Variants in MARCHF7 observed in about 807,000 individuals in gnomAD.
The protein encoded by MARCHF7 is membrane associated ring-CH-type finger 7.
A neutral mutation model predicts 76.5 loss-of-function variants in MARCHF7; 20 were observed. The observed-to-expected ratio is 0.26, with a 90% CI of 0.18 to 0.38. The LOEUF (loss-of-function observed/expected upper bound fraction) is 0.38. Ranked by LOEUF, MARCHF7 falls within the 10% of genes least tolerant of loss-of-function variation. The probability of loss-of-function intolerance (pLI) is 1.00; values close to 1 mark genes in which losing one functional copy is unlikely to be tolerated. For synonymous variants in MARCHF7, 295 were observed against 293.0 expected, an observed-to-expected ratio of 1.01 and a Z score of -0.07; for missense variants, 797 against 812.9, an observed-to-expected ratio of 0.98 and a Z score of 0.24.
In MARCHF7 at chr2:159,764,611, C is replaced by A; in HGVS notation, c.2008-15C>A. 6.3e-7 allele frequency: 1 copy of A among 1,581,714 alleles called. No individual in the cohort carries two copies. ...AACATTTAAACTACTGTATTTCTTT[C>A]TGCATTGTTTCTAGTTTATTAACCT... On this transcript the variant is annotated splice_polypyrimidine_tract_variant and intron_variant, in intron 10 of 11. Transcript: ENST00000409175.
intron 7 of MARCHF7, among the ~76,000 whole-genome samples, chr2:159,751,474 A>G (rs576829313): frequency 7.9e-5 from 12 of 152,326 alleles, no homozygotes; most frequent in African/African-American, 2.2e-4. Flanking sequence ...CATGTTTTCA[A>G]TCTTTAAAAA....
intron 10 of MARCHF7, among the ~76,000 whole-genome samples, chr2:159,764,126 A>G (rs1172551464): frequency 6.6e-6 from 1 of 152,086 alleles, no homozygotes; most frequent in Non-Finnish European, 1.5e-5. Flanking sequence ...GATACTCCAA[A>G]GTGGAAGTCA....
intron 4 of MARCHF7, among the ~76,000 whole-genome samples, chr2:159,737,756 C>T (rs369723031): frequency 6.6e-6 from 1 of 152,156 alleles, no homozygotes. Flanking sequence ...TCACTGCATT[C>T]TAGCCTGGGC....
At chr2:159,749,969 T>C (rs1414069023) in intron 7 of MARCHF7, among the ~76,000 whole-genome samples, 2 of 152,220 alleles carry the variant, frequency 1.3e-5, no homozygotes, top group Non-Finnish European at 2.9e-5. Context: ...GCAAATCTTT[T>C]TTTGGAATTT....
At chr2:159,736,806 A>T (rs2059700) in intron 4 of MARCHF7, among the ~76,000 whole-genome samples, 152,216 of 152,372 alleles carry the variant, frequency 1, 76,036 homozygotes, top group Middle Eastern at 1. Flanking sequence ...GTTATTTTCT[A>T]TTCATTGTGC....
At position 159,745,807 on chromosome 2, in the gene MARCHF7, A is replaced by T; in HGVS notation, c.384A>T (p.Ser128=). ...GGCATAGTCAAGTTCCTAGATCTTCATCAATGGTACTTGGATCATTTGGAA... is the reference window on the plus strand; with the variant it reads ...GGCATAGTCAAGTTCCTAGATCTTCTTCAATGGTACTTGGATCATTTGGAA... The part of the protein sequence containing the change: ...SWRHSQVPRS[S]SMVLGSFGTD... Residue 128 remains serine, a synonymous_variant, in exon 6 of 12, where the codon TCA becomes TCT. Coordinates refer to ENST00000409175, the MANE Select transcript of MARCHF7 (RefSeq NM_001282805.2). 1 of 1,610,782 alleles carries T rather than the reference A, an allele frequency of 6.2e-7. No homozygotes were observed. Among genetic ancestry groups the T allele is most frequent in the Non-Finnish European group, 8.5e-7 (1 of 1,178,710 alleles).
At chr2:159,731,953 A>T (rs1200105198) in intron 4 of MARCHF7, among the ~76,000 whole-genome samples, 2 of 150,806 alleles carry the variant, frequency 1.3e-5, no homozygotes, top group Non-Finnish European at 3.0e-5. Flanking sequence ...AATTACAAAA[A>T]ATTAGCCGGG....
chr2:159,757,196 C>T (rs1296916642), intron 8 of MARCHF7, among the ~76,000 whole-genome samples: 1 of 152,124 alleles, frequency 6.6e-6, no homozygotes, highest in Non-Finnish European at 1.5e-5. Context: ...CCATACCTGG[C>T]CTGGAGTTAG....
Position 159,748,981 on chromosome 2 carries a change from T to C in MARCHF7, c.1613+78T>C, listed in dbSNP as rs1010674881. The C allele has an allele frequency of 2.5e-4, 271 of 1,078,520 alleles. 3 individuals are homozygous for C. The highest frequency in any genetic ancestry group is 2.3e-3 in the African/African-American group (128 of 55,738). The allele number at this position is 1,078,520 out of a possible 1,614,324, so 66.8% of individuals were successfully genotyped here. A position where few individuals can be genotyped will look rare whatever the true frequency, so the allele number is the denominator to read the frequency against. The stretch of plus-strand genomic sequence containing the variant: ...CTTCATTTCTTTTTTTTCTTTTCTT[T>C]TTTTTTTTTTTTTTTGAGACGGAGT... On this transcript the variant is annotated intron_variant, in intron 7 of 11. Coordinates refer to ENST00000409175, the MANE Select transcript of MARCHF7 (RefSeq NM_001282805.2).
intron 3 of MARCHF7, among the ~76,000 whole-genome samples, chr2:159,722,286 T>C (rs1016570330): frequency 8.6e-5 from 13 of 152,040 alleles, no homozygotes; most frequent in Admixed American, 7.9e-4. Context: ...CACAGGCGCG[T>C]GCCACCACAC....
intron 4 of MARCHF7, among the ~76,000 whole-genome samples, chr2:159,742,587 A>C (rs1026966549): frequency 2.6e-5 from 4 of 152,090 alleles, no homozygotes; most frequent in Non-Finnish European, 5.9e-5. Flanking sequence ...TTGAGAGCCC[A>C]GCAAAGTACA....
At chr2:159,739,109 G>A (rs184619452) in intron 4 of MARCHF7, among the ~76,000 whole-genome samples, 6 of 152,320 alleles carry the variant, frequency 3.9e-5, no homozygotes, top group East Asian at 1.9e-4. Flanking sequence ...AGCAGGAGGC[G>A]GGGGCGGGAA....
chr2:159,748,762 C>T lies in MARCHF7; in HGVS notation c.1472C>T (p.Ala491Val), dbSNP rs769110460. ...GSLFRFAVPP[A>V]LGSNLTDNVM... ...TTATTCCGGTTTGCAGTCCCTCCAG[C>T]ACTTGGGAGTAATTTGACCGACAAT... The change falls in exon 7 of 12, where the codon GCA (alanine) becomes GTA (valine). Residue 491 changes from alanine to valine, a missense_variant. Around this residue, in one of 3 missense-constraint regions of MARCHF7, gnomAD observed 643 missense variants for 631.5 expected, o/e 1.02. Coordinates refer to ENST00000409175, the MANE Select transcript of MARCHF7 (RefSeq NM_001282805.2). The T allele has an allele frequency of 6.2e-7, 1 of 1,614,156 alleles. No individual in the cohort carries two copies. Among genetic ancestry groups the T allele is most frequent in the Non-Finnish European group, 8.5e-7 (1 of 1,180,038 alleles).
Position 159,742,454 on chromosome 2 carries a change from TACA to T in MARCHF7, c.154-602_154-600del, listed in dbSNP as rs199722150. The stretch of plus-strand genomic sequence containing the variant: ...TGAAAAGACTGAAATATTAAACCAG[TACA>T]ACAAGGATTTCATTTTCAAAAAGAA... On this transcript the variant is annotated intron_variant, in intron 4 of 11. Coordinates refer to ENST00000409175, the MANE Select transcript of MARCHF7 (RefSeq NM_001282805.2). Among the ~76,000 whole-genome samples the T allele has an allele frequency of 4.2e-3, 642 of 152,112 alleles. 4 individuals are homozygous for T. Among genetic ancestry groups the T allele is most frequent in the African/African-American group, 0.014 (598 of 41,482 alleles).
At chr2:159,724,763 A>G (rs1701980610) in intron 3 of MARCHF7, among the ~76,000 whole-genome samples, 1 of 152,150 alleles carries the variant, frequency 6.6e-6, no homozygotes. Context: ...TACATGTGCC[A>G]TGTTGGTGTG....
At chr2:159,750,846 A>G (rs560653046) in intron 7 of MARCHF7, among the ~76,000 whole-genome samples, 1 of 152,152 alleles carries the variant, frequency 6.6e-6, no homozygotes, top group Non-Finnish European at 1.5e-5. Context: ...GGGAAGCATA[A>G]TTGTTACTGT....
intron 9 of MARCHF7, 24 bp downstream of exon 9, chr2:159,759,359 G>C (rs78144739): frequency 7.7e-7 from 1 of 1,301,958 alleles, no homozygotes; most frequent in African/African-American, 1.5e-5. Flanking sequence ...GCCTAATTTG[G>C]TAAGTGTCTA....
intron 7 of MARCHF7, among the ~76,000 whole-genome samples, chr2:159,749,704 G>A (rs1379085709): frequency 2.0e-5 from 3 of 150,192 alleles, no homozygotes; most frequent in African/African-American, 7.4e-5. Context: ...AAATAGATAA[G>A]AATTAATAAC....
chr2:159,749,408 C>T (rs1705334247), intron 7 of MARCHF7, among the ~76,000 whole-genome samples: 1 of 151,898 alleles, frequency 6.6e-6, no homozygotes, highest in African/African-American at 2.4e-5. Context: ...AGTGCAGTGG[C>T]ACAGTCTTGG....
Sources: allele counts gnomAD v4.1 joint callset (sites outside exome capture counted in the v4.1 genomes callset), GRCh38; gene constraint gnomAD v4.1.1; regional missense constraint gnomAD v4.1.1; transcripts MANE v1.5; gene names NCBI Gene and HGNC (gene_info 2026-07-23, HGNC 2026-07-21).